KCNQ1OT1: variants seen among roughly 807,000 people sequenced by gnomAD.
KCNQ1OT1 encodes the protein KCNQ1 opposite strand/antisense transcript 1.
Position 2,653,801 on chromosome 11 carries a change from T to C in KCNQ1OT1, n.46194A>G. The C allele has an allele frequency of 5.0e-6, 2 of 398,616 alleles. No individual in the cohort carries two copies. The highest frequency in any genetic ancestry group is 8.8e-6 in the Non-Finnish European group (2 of 226,070). The allele number at this position is 398,616 out of a possible 1,614,324, so 24.7% of individuals were successfully genotyped here. ...CTTGGACCTGCAGCTGTACCTCCGATGGCTGAGGCAAGGTCCACAGGGACC... is the reference window on the plus strand; with the variant it reads ...CTTGGACCTGCAGCTGTACCTCCGACGGCTGAGGCAAGGTCCACAGGGACC... On this transcript the variant is annotated non_coding_transcript_exon_variant, in exon 1 of 1. Coordinates refer to ENST00000597346, the Ensembl canonical transcript of KCNQ1OT1. The surrounding 1 kb of genome is among the most constrained non-coding windows in gnomAD (Gnocchi z 5.3).
chr11:2,692,018 C>T, exon 1 of KCNQ1OT1: 2 of 398,678 alleles, frequency 5.0e-6, no homozygotes, highest in African/African-American at 2.1e-5. Context: ...GGCTTCCAGA[C>T]CACCTGTGAG....
chr11:2,655,522 T>C, exon 1 of KCNQ1OT1: 2 of 398,698 alleles, frequency 5.0e-6, no homozygotes, highest in Non-Finnish European at 8.8e-6. Flanking sequence ...AAGTACACCA[T>C]GGGCTCAACC....
In KCNQ1OT1 at chr11:2,626,908, C is replaced by A; in HGVS notation, n.73087G>T. 1 of 398,510 alleles carries A rather than the reference C, an allele frequency of 2.5e-6. No individual in the cohort carries two copies. Among genetic ancestry groups the A allele is most frequent in the South Asian group, 1.3e-4 (1 of 7,840 alleles). 24.7% of individuals were successfully genotyped at this position (398,510 alleles called of 1,614,324 possible). A position where few individuals can be genotyped will look rare whatever the true frequency, so the allele number is the denominator to read the frequency against. On this transcript the variant is annotated non_coding_transcript_exon_variant, in exon 1 of 1. Transcript: ENST00000597346. This position sits in a 1 kb window ranked among gnomAD's most constrained non-coding sequence, Gnocchi z 4.0. ...CAAGAATGTTTTAGCTATTCAAGGT[C>A]CCTTGAGATTCCATGTGAATTTTAG...
Position 2,661,923 on chromosome 11 carries a change from G to A in KCNQ1OT1, n.38072C>T, listed in dbSNP as rs763807746. On this transcript the variant is annotated non_coding_transcript_exon_variant, in exon 1 of 1. Coordinates refer to ENST00000597346, the Ensembl canonical transcript of KCNQ1OT1. The surrounding 1 kb of genome is among the most constrained non-coding windows in gnomAD (Gnocchi z 5.9). The stretch of plus-strand genomic sequence containing the variant: ...GCTCCACAGCACTGGCAGGTTGGGT[G>A]GGAGGCCTAACGTGCTGTCCCCACA... 6.2e-7 allele frequency: 1 copy of A among 1,613,872 alleles called. No individual in the cohort carries two copies. The highest frequency in any genetic ancestry group is 8.5e-7 in the Non-Finnish European group (1 of 1,179,958).
exon 1 of KCNQ1OT1, chr11:2,635,714 G>C (rs1456304837): frequency 6.6e-6 from 1 of 152,108 alleles, no homozygotes; most frequent in Non-Finnish European, 1.5e-5. Flanking sequence ...TTCCAATTCT[G>C]TGAAGAAAGT....
chr11:2,644,105 G>A (rs1397832238), exon 1 of KCNQ1OT1: 6 of 398,500 alleles, frequency 1.5e-5, no homozygotes, highest in African/African-American at 1.2e-4. Flanking sequence ...TCTATTTAGG[G>A]TTCTGAGATT....
At chr11:2,632,119 C>T (rs1335547276) in exon 1 of KCNQ1OT1, 2 of 385,336 alleles carry the variant, frequency 5.2e-6, no homozygotes, top group Non-Finnish European at 9.0e-6. Flanking sequence ...GGAGGCAGAG[C>T]TTGCAGTGAG....
chr11:2,646,888 T>C (rs1301853577), exon 1 of KCNQ1OT1: 2 of 398,546 alleles, frequency 5.0e-6, no homozygotes, highest in Non-Finnish European at 8.8e-6. Flanking sequence ...TAAAAGATTT[T>C]GGTGGAATCT....
At chr11:2,655,700 C>A in exon 1 of KCNQ1OT1, 1 of 397,024 alleles carries the variant, frequency 2.5e-6, no homozygotes, top group Non-Finnish European at 4.4e-6. Context: ...CAGCTCCCCT[C>A]CATGCTCTCC....
exon 1 of KCNQ1OT1, chr11:2,685,354 G>A (rs1850467996): frequency 1.0e-5 from 4 of 398,674 alleles, no homozygotes; most frequent in Non-Finnish European, 1.8e-5. Context: ...GGGTACATGG[G>A]CAGGTACCAT....
In KCNQ1OT1 at chr11:2,698,570, C is replaced by G. The variant is rs1850716721; in HGVS notation, n.1425G>C. On this transcript the variant is annotated non_coding_transcript_exon_variant, in exon 1 of 1. Coordinates refer to ENST00000597346, the Ensembl canonical transcript of KCNQ1OT1. This position sits in a 1 kb window ranked among gnomAD's most constrained non-coding sequence, Gnocchi z 5.1. Reference sequence around the variant, plus strand: ...TTACTTCGCCCCCTAATTCCTGACTCAGAATCCCCACCTAGAGGCAGAACT... The same window carrying G: ...TTACTTCGCCCCCTAATTCCTGACTGAGAATCCCCACCTAGAGGCAGAACT... 1 of 398,450 alleles carries G rather than the reference C, an allele frequency of 2.5e-6. No individual in the cohort carries two copies. The highest frequency in any genetic ancestry group is 3.6e-5 in the East Asian group (1 of 28,082). 24.7% of individuals were successfully genotyped at this position (398,450 alleles called of 1,614,324 possible). A position where few individuals can be genotyped will look rare whatever the true frequency, so the allele number is the denominator to read the frequency against.
Position 2,657,529 on chromosome 11 carries a change from G to A in KCNQ1OT1, n.42466C>T. ...AGAAGAGAAACAAAAATAGTACCGA[G>A]TACCCACATCCCTTTCACCAGCTTC... On this transcript the variant is annotated non_coding_transcript_exon_variant, in exon 1 of 1. Transcript: ENST00000597346. This position sits in a 1 kb window ranked among gnomAD's most constrained non-coding sequence, Gnocchi z 4.8. The A allele has an allele frequency of 2.5e-6, 1 of 398,496 alleles. No homozygotes were observed. The highest frequency in any genetic ancestry group is 3.6e-5 in the East Asian group (1 of 28,064). The allele number at this position is 398,496 out of a possible 1,614,324, so 24.7% of individuals were successfully genotyped here.
Position 2,609,892 on chromosome 11 carries a change from GT to G in KCNQ1OT1, n.90102del, listed in dbSNP as rs1489441610. 1.5e-5 allele frequency: 6 copies of G among 397,812 alleles called. No individual in the cohort carries two copies. In the East Asian group the frequency reaches 2.1e-4, roughly 14 times the overall value. The allele number at this position is 397,812 out of a possible 1,614,324, so 24.6% of individuals were successfully genotyped here. A position where few individuals can be genotyped will look rare whatever the true frequency, so the allele number is the denominator to read the frequency against. On this transcript the variant is annotated non_coding_transcript_exon_variant, in exon 1 of 1. Transcript: ENST00000597346. ...ATCTTTTTCCATCCTTTTACTTTCA[GT>G]TGGCATTTATCATCTAAAGTGTGCC...
Position 2,654,519 on chromosome 11 carries a change from T to C in KCNQ1OT1, n.45476A>G. The stretch of plus-strand genomic sequence containing the variant: ...GGCAATCTCCGGAGCCCTGGAAAGC[T>C]TGTGGAAGAGGGCTTGGGTTACACC... On this transcript the variant is annotated non_coding_transcript_exon_variant, in exon 1 of 1. Transcript: ENST00000597346. The surrounding 1 kb of genome is among the most constrained non-coding windows in gnomAD (Gnocchi z 6.4). 1 of 398,560 alleles carries C rather than the reference T, an allele frequency of 2.5e-6. No homozygotes were observed. Among genetic ancestry groups the C allele is most frequent in the Non-Finnish European group, 4.4e-6 (1 of 226,158 alleles). 24.7% of individuals were successfully genotyped at this position (398,560 alleles called of 1,614,324 possible). A position where few individuals can be genotyped will look rare whatever the true frequency, so the allele number is the denominator to read the frequency against.
chr11:2,631,902 G>C, exon 1 of KCNQ1OT1: 1 of 397,862 alleles, frequency 2.5e-6, no homozygotes, highest in Non-Finnish European at 4.4e-6. Flanking sequence ...GCAACTGAAA[G>C]CTGGGCGCAG....
At position 2,668,117 on chromosome 11, in the gene KCNQ1OT1, G is replaced by A. The variant is rs1236958084; in HGVS notation, n.31878C>T. On this transcript the variant is annotated non_coding_transcript_exon_variant, in exon 1 of 1. Transcript: ENST00000597346. This position sits in a 1 kb window ranked among gnomAD's most constrained non-coding sequence, Gnocchi z 4.3. The stretch of plus-strand genomic sequence containing the variant: ...TCCAATGTCCCTCACTCAATTTGAT[G>A]TCTGGCAGCCTCTCTATGGGGCTGA... 2 of 398,588 alleles carry A rather than the reference G, an allele frequency of 5.0e-6. No homozygotes were observed. The highest frequency in any genetic ancestry group is 4.4e-5 in the Admixed American group (1 of 22,728). The allele number at this position is 398,588 out of a possible 1,614,324, so 24.7% of individuals were successfully genotyped here. A position where few individuals can be genotyped will look rare whatever the true frequency, so the allele number is the denominator to read the frequency against.
In KCNQ1OT1 at chr11:2,617,887, T is replaced by C. The variant is rs1849093775; in HGVS notation, n.82108A>G. ...CCCATTTTTTAATTGGGTTATCTAT[T>C]TTCTTGTTATTGAGTTGTATGCATT... On this transcript the variant is annotated non_coding_transcript_exon_variant, in exon 1 of 1. Coordinates refer to ENST00000597346, the Ensembl canonical transcript of KCNQ1OT1. The surrounding 1 kb of genome is among the most constrained non-coding windows in gnomAD (Gnocchi z 4.6). 2.5e-6 allele frequency: 1 copy of C among 398,584 alleles called. No homozygotes were observed. Among genetic ancestry groups the C allele is most frequent in the Non-Finnish European group, 4.4e-6 (1 of 226,034 alleles). 24.7% of individuals were successfully genotyped at this position (398,584 alleles called of 1,614,324 possible). A position where few individuals can be genotyped will look rare whatever the true frequency, so the allele number is the denominator to read the frequency against.
chr11:2,671,250 G>T lies in KCNQ1OT1; in HGVS notation n.28745C>A. ...GAGTCCAGGTCTGACCTCAAAATCC[G>T]ATGTCCCCACCATCCCCAGCCCCTT... On this transcript the variant is annotated non_coding_transcript_exon_variant, in exon 1 of 1. Coordinates refer to ENST00000597346, the Ensembl canonical transcript of KCNQ1OT1. This position sits in a 1 kb window ranked among gnomAD's most constrained non-coding sequence, Gnocchi z 4.7. 2.5e-6 allele frequency: 1 copy of T among 398,572 alleles called. No individual in the cohort carries two copies. Among genetic ancestry groups the T allele is most frequent in the Non-Finnish European group, 4.4e-6 (1 of 226,072 alleles). 24.7% of individuals were successfully genotyped at this position (398,572 alleles called of 1,614,324 possible). A position where few individuals can be genotyped will look rare whatever the true frequency, so the allele number is the denominator to read the frequency against.
At chr11:2,648,928 A>G (rs1459721246) in exon 1 of KCNQ1OT1, 1 of 396,404 alleles carries the variant, frequency 2.5e-6, no homozygotes, top group African/African-American at 2.1e-5. Flanking sequence ...CTTCTTGCTG[A>G]ATTGATCCAT....
Sources: allele counts gnomAD v4.1 joint callset, GRCh38; gene constraint gnomAD v4.1.1; non-coding constraint Gnocchi (gnomAD v3.1); transcripts MANE v1.5; gene names NCBI Gene and HGNC (gene_info 2026-07-23, HGNC 2026-07-21).